SRP68: variants seen among roughly 807,000 people sequenced by gnomAD.
SRP68 encodes signal recognition particle 68.
SRP68 carries 15 observed loss-of-function variants against 82.2 expected under a neutral mutation model. The observed-to-expected ratio is 0.18, with a 90% CI of 0.12 to 0.28. The LOEUF (loss-of-function observed/expected upper bound fraction) is 0.28, where lower values mean the gene tolerates loss of function less well. Ranked by LOEUF, SRP68 falls within the 10% of genes least tolerant of loss-of-function variation. The pLI, the probability that SRP68 is intolerant of heterozygous loss-of-function variation, is 1.00. For synonymous variants in SRP68, 261 were observed against 292.6 expected, an observed-to-expected ratio of 0.89 and a Z score of 1.10; for missense variants, 595 against 780.5, an observed-to-expected ratio of 0.76 and a Z score of 2.83.
At chr17:76,061,658 G>T in intron 4 of SRP68, 84 bp from the exon 5 acceptor site, 1 of 1,177,728 alleles carries the variant, frequency 8.5e-7, no homozygotes, top group Non-Finnish European at 1.3e-6. Flanking sequence ...TTCTAACTTT[G>T]ATATCAAGAA....
At chr17:76,060,846 A>G (rs2066747564) in intron 6 of SRP68, 2 of 428,062 alleles carry the variant, frequency 4.7e-6, no homozygotes, top group Admixed American at 4.1e-5. Flanking sequence ...AAACAGTAAA[A>G]AATGAACTCA....
chr17:76,044,099 G>A lies in SRP68; in HGVS notation c.1395-141C>T, dbSNP rs185391094. On this transcript the variant is annotated intron_variant, in intron 12 of 15. Coordinates refer to ENST00000307877, the MANE Select transcript of SRP68 (RefSeq NM_014230.4). ...TCACCGCATGGGAGCCCCCTTCATG[G>A]GAAGTGTTCAGATTTGTAGGCTACC... 61 of 934,958 alleles carry A rather than the reference G, an allele frequency of 6.5e-5. No individual in the cohort carries two copies. The East Asian group carries it at 1.7e-3, about 26-fold the overall frequency. The allele number at this position is 934,958 out of a possible 1,614,324, so 57.9% of individuals were successfully genotyped here.
chr17:76,061,425 G>T, intron 5 of SRP68, 67 bp downstream of exon 5: 2 of 1,381,338 alleles, frequency 1.4e-6, no homozygotes, highest in South Asian at 1.2e-5. Context: ...TCCACTATCT[G>T]ATCTGCAGCT....
intron 8 of SRP68, among the ~76,000 whole-genome samples, chr17:76,051,568 T>A (rs1485561935): frequency 1.3e-5 from 2 of 152,218 alleles, no homozygotes; most frequent in Admixed American, 6.5e-5. Flanking sequence ...TTTTCTTCTC[T>A]TAAGAAAGCT....
Position 76,061,476 on chromosome 17 carries a change from G to A in SRP68, c.644+16C>T. ...GTAATTAAAACTGGCCACAGCCTTT[G>A]GACTATAGGACTTACTTGCATTTGT... On this transcript the variant is annotated intron_variant, in intron 5 of 15. Transcript: ENST00000307877. 1.9e-6 allele frequency: 3 copies of A among 1,607,956 alleles called. No homozygotes were observed. Among genetic ancestry groups the A allele is most frequent in the Non-Finnish European group, 2.6e-6 (3 of 1,175,232 alleles).
chr17:76,064,393 T>C (rs1274943134), intron 3 of SRP68, among the ~76,000 whole-genome samples: 1 of 152,174 alleles, frequency 6.6e-6, no homozygotes, highest in Non-Finnish European at 1.5e-5. Flanking sequence ...ACACATCTCA[T>C]TGAAAAGCCT....
chr17:76,064,036 C>T lies in SRP68; in HGVS notation c.501G>A (p.Glu167=), dbSNP rs376645170. The change falls in exon 4 of 16, where the codon GAG becomes GAA. Residue 167 remains glutamate, a synonymous_variant. Coordinates refer to ENST00000307877, the MANE Select transcript of SRP68 (RefSeq NM_014230.4). ...TGCTCTCACACAAGCGTTCCAATTC[C>T]TCTGCATGCTTCACGGCTTTGCGTA... ...SRLRKAVKHA[E]ELERLCESNR... 1.2e-6 allele frequency: 2 copies of T among 1,614,114 alleles called. No individual in the cohort carries two copies. The highest frequency in any genetic ancestry group is 1.3e-5 in the African/African-American group (1 of 74,940).
chr17:76,062,638 A>ATATAATG (rs2066767568), intron 4 of SRP68, among the ~76,000 whole-genome samples: 2 of 76,108 alleles, frequency 2.6e-5, no homozygotes, highest in African/African-American at 2.0e-4. Context: ...ATTATATATT[A>ATATAATG]TATAATATAC....
intron 11 of SRP68, 88 bp from the exon 12 acceptor site, chr17:76,045,474 T>A (rs2066623298): frequency 4.1e-6 from 4 of 987,134 alleles, no homozygotes; most frequent in African/African-American, 6.0e-5. Context: ...CGGACAAGAG[T>A]GAGGAAAAAA....
chr17:76,067,709 G>A (rs996646005), intron 2 of SRP68, among the ~76,000 whole-genome samples: 4 of 152,092 alleles, frequency 2.6e-5, no homozygotes, highest in East Asian at 1.9e-4. Flanking sequence ...CCAGCAATCC[G>A]CCCACCCCAG....
intron 13 of SRP68, among the ~76,000 whole-genome samples, chr17:76,041,935 G>A (rs1027496894): frequency 5.3e-5 from 8 of 151,712 alleles, no homozygotes; most frequent in Non-Finnish European, 8.8e-5. Context: ...CTCTGTTGCC[G>A]CCCAGGGGCG....
rs1312930321 is a variant in SRP68 at position 76,062,683 on chromosome 17, T to C, written c.562-1109A>G. 8.0e-5 allele frequency among the ~76,000 whole-genome samples: 3 copies of C among 37,388 alleles called. 1 individual carries two copies. The highest frequency in any genetic ancestry group is 1.2e-4 in the Non-Finnish European group (3 of 26,066). The allele number at this position is 37,388 out of a possible 152,430, so 24.5% of individuals were successfully genotyped here. A position where few individuals can be genotyped will look rare whatever the true frequency, so the allele number is the denominator to read the frequency against. The stretch of plus-strand genomic sequence containing the variant: ...TATATAATATACATTATATAATATA[T>C]AATATACATTATATATTGTATATTA... On this transcript the variant is annotated intron_variant, in intron 4 of 15. Transcript: ENST00000307877.
intron 4 of SRP68, among the ~76,000 whole-genome samples, chr17:76,062,929 C>A (rs1016295093): frequency 2.7e-5 from 4 of 148,756 alleles, no homozygotes; most frequent in Admixed American, 6.9e-5. Flanking sequence ...CGCCACTACG[C>A]CCAGCTAATT....
intron 6 of SRP68, 36 bp downstream of exon 6, chr17:76,061,074 T>G: frequency 7.7e-7 from 1 of 1,303,920 alleles, no homozygotes; most frequent in Non-Finnish European, 1.1e-6. Flanking sequence ...CTATCAATGT[T>G]CAAGTTGAGT....
At chr17:76,053,308 A>C (rs2066689042) in intron 8 of SRP68, 1 of 205,200 alleles carries the variant, frequency 4.9e-6, no homozygotes, top group Non-Finnish European at 8.5e-6. Context: ...TACCACAGCC[A>C]CATTCTCAGC....
At chr17:76,063,932 T>C in intron 4 of SRP68, 44 bp downstream of exon 4, 2 of 1,526,726 alleles carry the variant, frequency 1.3e-6, no homozygotes, top group Non-Finnish European at 1.8e-6. Flanking sequence ...TTTTAAAATG[T>C]CTTTAATCTC....
chr17:76,058,314 T>A (rs1004512594), intron 7 of SRP68, among the ~76,000 whole-genome samples: 3 of 151,810 alleles, frequency 2.0e-5, no homozygotes, highest in Non-Finnish European at 4.4e-5. Context: ...ACAGACGGGG[T>A]TTCTCCGTGT....
At chr17:76,067,141 A>G (rs991538230) in intron 3 of SRP68, 76 bp downstream of exon 3, 1 of 1,127,576 alleles carries the variant, frequency 8.9e-7, no homozygotes, top group Non-Finnish European at 1.3e-6. Flanking sequence ...AAGGTTTGGC[A>G]TGAAGTCTAC....
At chr17:76,064,246 G>A (rs371549986) in intron 3 of SRP68, 75 bp from the exon 4 acceptor site, 39 of 1,345,316 alleles carry the variant, frequency 2.9e-5, no homozygotes, top group East Asian at 4.6e-5. Context: ...TGTAATCTTC[G>A]GCTTCTCGGC....
Sources: gnomAD v4.1 joint callset for allele counts (sites outside exome capture counted in the v4.1 genomes callset) on GRCh38, gnomAD v4.1.1 for gene constraint, MANE v1.5 for transcripts, NCBI Gene and HGNC (gene_info 2026-07-23, HGNC 2026-07-21) for gene names.